DISP1: variants seen among roughly 807,000 people sequenced by gnomAD.
The protein encoded by DISP1 is dispatched RND transporter family member 1, also known as protein dispatched homolog 1.
DISP1 carries 30 observed loss-of-function variants against 37.3 expected under a neutral mutation model. The ratio of observed to expected loss-of-function variants is 0.80; its 90% CI spans 0.60 to 1.09. The LOEUF is 1.09. Among genes scored for constraint, DISP1 ranks in the 50% least tolerant of loss-of-function variants. DISP1 has a pLI of 0.00. For synonymous variants in DISP1, 634 were observed against 690.2 expected (o/e 0.92, Z 1.28); for missense variants, 1,598 against 1,879.5 (o/e 0.85, Z 2.77).
intron 3 of DISP1, among the ~76,000 whole-genome samples, chr1:222,948,250 G>A (rs950557334): frequency 1.3e-5 from 2 of 152,214 alleles, no homozygotes; most frequent in Non-Finnish European, 2.9e-5. Context: ...GGGCAATACT[G>A]GTGGGGGTTA....
chr1:222,886,179 A>G (rs1670589609), intron 1 of DISP1, among the ~76,000 whole-genome samples: 1 of 152,176 alleles, frequency 6.6e-6, no homozygotes, highest in South Asian at 2.1e-4. Context: ...TTCCTTTTAT[A>G]CTTCTACATT....
intron 1 of DISP1, among the ~76,000 whole-genome samples, chr1:222,874,791 G>A (rs538434375): frequency 1.5e-4 from 22 of 151,544 alleles, no homozygotes; most frequent in South Asian, 4.2e-4. Context: ...GCTTTGTTCC[G>A]TTGCTGGTGA....
At chr1:222,970,983 T>C (rs766011969) in intron 3 of DISP1, among the ~76,000 whole-genome samples, 2 of 152,154 alleles carry the variant, frequency 1.3e-5, no homozygotes, top group Non-Finnish European at 2.9e-5. Flanking sequence ...TCCCTACTTT[T>C]CGTCAGAAAA....
intron 1 of DISP1, among the ~76,000 whole-genome samples, chr1:222,845,653 TTAATA>T (rs1006272038): frequency 6.6e-6 from 1 of 152,214 alleles, no homozygotes; most frequent in African/African-American, 2.4e-5. Context: ...TATTATTTAC[TTAATA>T]TTATTTATTA....
intron 3 of DISP1, among the ~76,000 whole-genome samples, chr1:222,952,689 A>C (rs1160392488): frequency 1.3e-5 from 2 of 152,112 alleles, no homozygotes; most frequent in African/African-American, 4.8e-5. Flanking sequence ...ATCTCTACTA[A>C]AAATACAAAA....
chr1:222,816,244 T>C (rs944825414), intron 1 of DISP1, among the ~76,000 whole-genome samples: 6 of 152,092 alleles, frequency 3.9e-5, no homozygotes, highest in Non-Finnish European at 8.8e-5. Flanking sequence ...TAATTATTGA[T>C]TTAGTTATTA....
rs1671071069 is a variant in DISP1 at position 222,893,666 on chromosome 1, G to C, written c.-158-34764G>C. Among the ~76,000 whole-genome samples, 1 of 152,222 alleles carries C rather than the reference G, an allele frequency of 6.6e-6. No homozygotes were observed. Among genetic ancestry groups the C allele is most frequent in the Non-Finnish European group, 1.5e-5 (1 of 68,048 alleles). The stretch of plus-strand genomic sequence containing the variant: ...GCGGGCACCCATGTCTGGATGAGGG[G>C]AATGTGGTGGTGCCTGGAAGCTTGG... On this transcript the variant is annotated intron_variant, in intron 1 of 8. Coordinates refer to ENST00000675850, the MANE Select transcript of DISP1 (RefSeq NM_001377229.1). The surrounding 1 kb of genome is among the most constrained non-coding windows in gnomAD (Gnocchi z 4.3).
At chr1:222,989,864 A>G (rs1180055991) in intron 4 of DISP1, among the ~76,000 whole-genome samples, 3 of 151,334 alleles carry the variant, frequency 2.0e-5, no homozygotes, top group African/African-American at 4.9e-5. Flanking sequence ...GTGCAGTGGC[A>G]TGATCTCAGC....
intron 1 of DISP1, among the ~76,000 whole-genome samples, chr1:222,866,298 C>A (rs1669187634): frequency 1.3e-5 from 2 of 151,564 alleles, no homozygotes; most frequent in African/African-American, 4.9e-5. Context: ...GATATATGAT[C>A]AGTACATGAT....
chr1:222,980,482 A>G (rs1677753893), intron 3 of DISP1, among the ~76,000 whole-genome samples: 1 of 151,950 alleles, frequency 6.6e-6, no homozygotes, highest in African/African-American at 2.4e-5. Context: ...ATTAATATTT[A>G]TGTCCCTAGC....
At chr1:222,833,952 A>T (rs537057783) in intron 1 of DISP1, among the ~76,000 whole-genome samples, 3 of 152,312 alleles carry the variant, frequency 2.0e-5, no homozygotes, top group African/African-American at 7.2e-5. Context: ...ATTTTATAAA[A>T]TTCTAAAGAG....
intron 2 of DISP1, among the ~76,000 whole-genome samples, chr1:222,940,632 G>A (rs1326065800): frequency 1.3e-5 from 2 of 152,190 alleles, no homozygotes; most frequent in South Asian, 4.1e-4. Context: ...GGAAAAAGTA[G>A]ACTATTTGAG....
chr1:222,890,200 G>A (rs1393568058), intron 1 of DISP1, among the ~76,000 whole-genome samples: 6 of 152,118 alleles, frequency 3.9e-5, no homozygotes, highest in Non-Finnish European at 7.4e-5. Context: ...ACATTTATGG[G>A]TTCTTCTATT....
intron 1 of DISP1, among the ~76,000 whole-genome samples, chr1:222,921,612 T>C (rs1270626807): frequency 6.6e-6 from 1 of 152,188 alleles, no homozygotes; most frequent in Non-Finnish European, 1.5e-5. Context: ...GTGTAACATA[T>C]TGTGGGGCCC....
rs1483673756 is a variant in DISP1 at position 223,004,818 on chromosome 1, G to A, written c.3421G>A (p.Gly1141Ser). The part of the protein sequence containing the change: ...CRCLGPQGTC[G>S]QIPLPKKLQC... Reference sequence around the variant, plus strand: ...GTGCCTTGGACCACAGGGTACCTGTGGTCAGATTCCTTTACCTAAAAAACT... The same window carrying A: ...GTGCCTTGGACCACAGGGTACCTGTAGTCAGATTCCTTTACCTAAAAAACT... Residue 1141 changes from glycine (G) to serine (S), a missense_variant, in exon 9 of 9, where the codon GGT becomes AGT. Transcript: ENST00000675850. The surrounding 1 kb of genome is among the most constrained non-coding windows in gnomAD (Gnocchi z 4.9). 1 of 1,611,356 alleles carries A rather than the reference G, an allele frequency of 6.2e-7. No homozygotes were observed.
At chr1:222,970,065 C>G (rs993931607) in intron 3 of DISP1, among the ~76,000 whole-genome samples, 1 of 152,136 alleles carries the variant, frequency 6.6e-6, no homozygotes, top group Admixed American at 6.5e-5. Flanking sequence ...AGGAAAAGTA[C>G]TTTGGGAAAT....
intron 1 of DISP1, among the ~76,000 whole-genome samples, chr1:222,889,035 G>C (rs982899905): frequency 6.6e-6 from 1 of 151,964 alleles, no homozygotes; most frequent in African/African-American, 2.4e-5. Context: ...TCAGTTTTTT[G>C]TGTGTTGGGA....
intron 1 of DISP1, among the ~76,000 whole-genome samples, chr1:222,918,294 C>A (rs947454821): frequency 6.6e-6 from 1 of 152,154 alleles, no homozygotes; most frequent in Non-Finnish European, 1.5e-5. Flanking sequence ...GAAACAAACC[C>A]ACTAAGATTC....
At chr1:222,965,906 G>A (rs1408522648) in intron 3 of DISP1, among the ~76,000 whole-genome samples, 1 of 152,098 alleles carries the variant, frequency 6.6e-6, no homozygotes, top group Non-Finnish European at 1.5e-5. Context: ...GTACATGCCT[G>A]TGGTGCCAGC....
Sources: allele counts gnomAD v4.1 joint callset (sites outside exome capture counted in the v4.1 genomes callset), GRCh38; gene constraint gnomAD v4.1.1; non-coding constraint Gnocchi (gnomAD v3.1); transcripts MANE v1.5; gene names NCBI Gene and HGNC (gene_info 2026-07-23, HGNC 2026-07-21).